PAWR: variants seen among roughly 807,000 people sequenced by gnomAD.
PAWR encodes the protein PRKC apoptosis WT1 regulator protein.
A neutral mutation model predicts 32.0 loss-of-function variants in PAWR; 23 were observed. The observed-to-expected ratio is 0.72, with a 90% confidence interval of 0.52 to 1.02. PAWR has a LOEUF of 1.02. Among genes scored for constraint, PAWR ranks in the 50% least tolerant of loss-of-function variants. The pLI is 0.00. For missense variants in PAWR, 457 were observed against 437.7 expected (o/e 1.04, Z -0.39); for synonymous variants, 226 against 187.1 (o/e 1.21, Z -1.70).
At position 79,586,653 on chromosome 12, in the gene PAWR, T is replaced by C. The variant is rs1439536963; in HGVS notation, c.*5954A>G. 1 of 152,208 alleles carries C rather than the reference T, an allele frequency of 6.6e-6. No homozygotes were observed. Among genetic ancestry groups the C allele is most frequent in the Non-Finnish European group, 1.5e-5 (1 of 68,024 alleles). The allele number at this position is 152,208 out of a possible 1,614,324, so 9.4% of individuals were successfully genotyped here. A position where few individuals can be genotyped will look rare whatever the true frequency, so the allele number is the denominator to read the frequency against. On this transcript the variant is annotated 3_prime_UTR_variant, in exon 7 of 7. Coordinates refer to ENST00000328827, the MANE Select transcript of PAWR (RefSeq NM_002583.4). The stretch of plus-strand genomic sequence containing the variant: ...CAGTCAAAACTTACTGTTTTTCATA[T>C]GTGTAAAGTAAAAATTCAATCTATC...
rs771385536 is a variant in PAWR at position 79,689,890 on chromosome 12, C to A, written c.355G>T (p.Ala119Ser). 2 of 1,529,882 alleles carry A rather than the reference C, an allele frequency of 1.3e-6. No individual in the cohort carries two copies. Among genetic ancestry groups the A allele is most frequent in the Admixed American group, 4.0e-5 (2 of 50,466 alleles). The allele number at this position is 1,529,882 out of a possible 1,614,324, so 94.8% of individuals were successfully genotyped here. ...TCGTCACGCTGGGGCGGCGGTGCAGCCGAGGCAGAGGCGGCTGGGGGCTCG... is the reference window on the plus strand; with the variant it reads ...TCGTCACGCTGGGGCGGCGGTGCAGACGAGGCAGAGGCGGCTGGGGGCTCG... ...EDEPPAASAS[A>S]APPPQRDEEE... is the part of the protein sequence containing the mutation. The change falls in exon 2 of 7, where the codon GCT becomes TCT. Residue 119 changes from alanine (A) to serine (S), a missense_variant. By Grantham distance (99) the Ala-to-Ser change is moderately conservative. Transcript: ENST00000328827.
At chr12:79,638,862 T>TTATATATATA (rs1876105024) in intron 2 of PAWR, among the ~76,000 whole-genome samples, 3 of 25,410 alleles carry the variant, frequency 1.2e-4, no homozygotes, top group African/African-American at 3.3e-4. Context: ...TGAGATGGAG[T>TTATATATATA]CATATATATA....
chr12:79,632,314 T>C (rs1198806895), intron 2 of PAWR, among the ~76,000 whole-genome samples: 4 of 18,102 alleles, frequency 2.2e-4, no homozygotes, highest in South Asian at 3.2e-3. Context: ...TATACATACA[T>C]ATATATATAT....
chr12:79,686,062 T>C (rs1878666582), intron 2 of PAWR, among the ~76,000 whole-genome samples: 1 of 152,152 alleles, frequency 6.6e-6, no homozygotes, highest in Non-Finnish European at 1.5e-5. Flanking sequence ...AGCCAACCAC[T>C]AAAGCTAAAC....
intron 2 of PAWR, among the ~76,000 whole-genome samples, chr12:79,639,886 C>CTATTCCTATTCCTATTCCT (rs137876550): frequency 2.5e-5 from 2 of 79,756 alleles, no homozygotes; most frequent in African/African-American, 7.6e-5. Context: ...ATTCCTATTC[C>CTATTCCTATTCCTATTCCT]ATTCCATTCC....
intron 2 of PAWR, among the ~76,000 whole-genome samples, chr12:79,644,651 CT>C (rs71091679): frequency 4.1e-4 from 63 of 152,206 alleles, no homozygotes; most frequent in Middle Eastern, 3.4e-3. Context: ...AAGCTTCCTG[CT>C]TTTTTATTTT....
chr12:79,645,745 T>C (rs930499660), intron 2 of PAWR, among the ~76,000 whole-genome samples: 1 of 152,256 alleles, frequency 6.6e-6, no homozygotes, highest in Non-Finnish European at 1.5e-5. Context: ...ATTAATATTA[T>C]ATGGAACATT....
chr12:79,633,785 A>G (rs1161849357), intron 2 of PAWR, among the ~76,000 whole-genome samples: 1 of 152,222 alleles, frequency 6.6e-6, no homozygotes, highest in East Asian at 1.9e-4. Context: ...ACATGAATAT[A>G]TATTTGAGAG....
chr12:79,690,031 T>C lies in PAWR; in HGVS notation c.214A>G (p.Asn72Asp). The C allele has an allele frequency of 7.5e-7, 1 of 1,329,064 alleles. No homozygotes were observed. The highest frequency in any genetic ancestry group is 9.5e-7 in the Non-Finnish European group (1 of 1,047,536). 82.3% of individuals were successfully genotyped at this position (1,329,064 alleles called of 1,614,324 possible). ...GCGGCCGGCGCGCCGCCCGGGAGGT[T>C]GTTGTTGAGCTCGTTGGCAGCGGCG... is the stretch of plus-strand genomic sequence containing the variant. ...AAAAANELNN[N>D]LPGGAPAAPA... The change falls in exon 2 of 7, where the codon AAC (asparagine) becomes GAC (aspartate). Residue 72 changes from asparagine (N) to aspartate (D), a missense_variant. Transcript: ENST00000328827.
intron 2 of PAWR, among the ~76,000 whole-genome samples, chr12:79,686,758 C>G (rs574528425): frequency 1.2e-4 from 19 of 152,284 alleles, no homozygotes; most frequent in African/African-American, 3.4e-4. Context: ...TTCTCATCCT[C>G]AATAGCTTCT....
chr12:79,626,537 G>C (rs1875332070), intron 2 of PAWR, among the ~76,000 whole-genome samples: 1 of 150,962 alleles, frequency 6.6e-6, no homozygotes, highest in Non-Finnish European at 1.5e-5. Context: ...GGGATTACAG[G>C]TGTGAGCCAC....
intron 4 of PAWR, among the ~76,000 whole-genome samples, chr12:79,601,908 C>T (rs74108118): frequency 1.3e-5 from 2 of 152,074 alleles, no homozygotes; most frequent in African/African-American, 2.4e-5. Context: ...TCAAAATCAG[C>T]GTAATTTTTC....
rs1432334406 is a variant in PAWR at position 79,689,848 on chromosome 12, C to T, written c.397G>A (p.Val133Ile). 10 of 1,584,700 alleles carry T rather than the reference C, an allele frequency of 6.3e-6. No individual in the cohort carries two copies. The Admixed American group carries it at 7.0e-5, about 11-fold the overall frequency. Reference protein sequence around the residue: ...PQRDEEEPDGVPEKGKSSGPS... With the variant: ...PQRDEEEPDGIPEKGKSSGPS... ...CCCGAGCTCTTGCCCTTCTCTGGGA[C>T]GCCGTCCGGCTCCTCCTCGTCACGC... is the stretch of plus-strand genomic sequence containing the variant. Residue 133 changes from valine to isoleucine, a missense_variant, in exon 2 of 7, where the codon GTC becomes ATC. Val to Ile is a conservative substitution (Grantham distance 29). Transcript: ENST00000328827.
At chr12:79,594,221 C>A in intron 6 of PAWR, 108 bp downstream of exon 6, 1 of 556,704 alleles carries the variant, frequency 1.8e-6, no homozygotes, top group South Asian at 2.6e-5. Flanking sequence ...ATTTCACTAA[C>A]AAAAGAACAA....
intron 4 of PAWR, among the ~76,000 whole-genome samples, chr12:79,612,888 GA>G (rs2136698283): frequency 6.6e-6 from 1 of 152,294 alleles, no homozygotes; most frequent in East Asian, 1.9e-4. Flanking sequence ...TCTCTGGTTA[GA>G]AGTGTTACTC....
chr12:79,648,518 G>C (rs1004552116), intron 2 of PAWR, among the ~76,000 whole-genome samples: 4 of 151,650 alleles, frequency 2.6e-5, no homozygotes, highest in Non-Finnish European at 5.9e-5. Flanking sequence ...TTGCATAAAA[G>C]GGACTGAGCG....
intron 4 of PAWR, among the ~76,000 whole-genome samples, chr12:79,613,258 G>T (rs1566002156): frequency 6.6e-6 from 1 of 152,092 alleles, no homozygotes. Context: ...ATGGCACTCT[G>T]AGCTAACTAA....
Position 79,592,525 on chromosome 12 carries a change from C to T in PAWR, c.*82G>A. 1.5e-6 allele frequency: 1 copy of T among 654,316 alleles called. No homozygotes were observed. Among genetic ancestry groups the T allele is most frequent in the Non-Finnish European group, 2.7e-6 (1 of 370,460 alleles). The allele number at this position is 654,316 out of a possible 1,614,324, so 40.5% of individuals were successfully genotyped here. ...GCTTAGTTATTTTAATGTATTGCAG[C>T]ATAGGAATATTGTGCTAGCATTGAC... On this transcript the variant is annotated 3_prime_UTR_variant, in exon 7 of 7. Transcript: ENST00000328827.
In PAWR at chr12:79,679,052, T is replaced by C. The variant is rs115240079; in HGVS notation, c.516+10677A>G. Among the ~76,000 whole-genome samples, 791 of 152,272 alleles carry C rather than the reference T, an allele frequency of 5.2e-3. 7 individuals are homozygous for C. The highest frequency in any genetic ancestry group is 0.015 in the African/African-American group (615 of 41,562). ...TGCTGAGATAACAGGTGAAAGCCAC[T>C]GTGCCCGGCCCATGGCCCCCTTTTC... is the stretch of plus-strand genomic sequence containing the variant. On this transcript the variant is annotated intron_variant, in intron 2 of 6. Transcript: ENST00000328827.
Sources: allele counts gnomAD v4.1 joint callset (sites outside exome capture counted in the v4.1 genomes callset), GRCh38; gene constraint gnomAD v4.1.1; transcripts MANE v1.5; gene names NCBI Gene and HGNC (gene_info 2026-07-23, HGNC 2026-07-21).